The following ALDH1L2 variants were observed in gnomAD, a reference collection of about 807,000 sequenced individuals.
ALDH1L2 encodes the protein mitochondrial 10-formyltetrahydrofolate dehydrogenase.
ALDH1L2 carries 91 observed loss-of-function variants against 111.0 expected under a neutral mutation model. That is an observed-to-expected ratio of 0.82 (90% CI 0.69 to 0.98). ALDH1L2 has a LOEUF of 0.98. Among genes scored for constraint, ALDH1L2 ranks in the 50% least tolerant of loss-of-function variants. ALDH1L2 has a pLI of 0.00. For missense variants in ALDH1L2, 995 were observed against 1,126.8 expected, an observed-to-expected ratio of 0.88 and a Z score of 1.67; for synonymous variants, 374 against 392.6, an observed-to-expected ratio of 0.95 and a Z score of 0.56.
chr12:105,038,293 CACACACA>C (rs1875305554), intron 17 of ALDH1L2, 91 bp from the exon 18 acceptor site: 1 of 487,028 alleles, frequency 2.1e-6, no homozygotes, highest in Admixed American at 3.1e-5. Context: ...CACACACACA[CACACACA>C]CACACACACA....
At chr12:105,069,018 T>A in intron 3 of ALDH1L2, 134 bp from the exon 4 acceptor site, 1 of 852,198 alleles carries the variant, frequency 1.2e-6, no homozygotes, top group Non-Finnish European at 1.6e-6. Context: ...AAATTAACAG[T>A]AGAACTGGGA....
chr12:105,072,692 G>C (rs928734847), intron 2 of ALDH1L2, among the ~76,000 whole-genome samples: 4 of 152,196 alleles, frequency 2.6e-5, no homozygotes. Context: ...ATGTACTCCA[G>C]GCAGGGCGTG....
Position 105,066,633 on chromosome 12 carries a change from G to C in ALDH1L2, c.631C>G (p.Pro211Ala). The C allele has an allele frequency of 3.1e-6, 5 of 1,614,110 alleles. No individual in the cohort carries two copies. Among genetic ancestry groups the C allele is most frequent in the Non-Finnish European group, 4.2e-6 (5 of 1,180,012 alleles). ...AVQLIADGKA[P>A]RIPQPEEGAT... ...CCTTCTTCTGGCTGGGGTATACGAG[G>C]AGCTTTTCCATCAGCTATGAGTTGG... Residue 211 changes from proline to alanine, a missense_variant, in exon 5 of 23, where the codon CCT becomes GCT. Pro to Ala is a conservative substitution (Grantham distance 27). Transcript: ENST00000258494.
intron 6 of ALDH1L2, among the ~76,000 whole-genome samples, chr12:105,063,479 GA>G (rs138765070): frequency 0.055 from 7,949 of 143,656 alleles, 693 homozygotes; most frequent in African/African-American, 0.19. Flanking sequence ...CTGTCTCAAA[GA>G]AAAAAAAAAA....
chr12:105,065,716 T>C lies in ALDH1L2; in HGVS notation c.697-360A>G, dbSNP rs571873345. On this transcript the variant is annotated intron_variant, in intron 5 of 22. Transcript: ENST00000258494. ...CCTCTGTTAAGTCTCTGCCTCTTTTTTTTTTTGTCTAGTTTGTTTGTGTCT... is the reference window on the plus strand; with the variant it reads ...CCTCTGTTAAGTCTCTGCCTCTTTTCTTTTTTGTCTAGTTTGTTTGTGTCT... 4.4e-3 allele frequency among the ~76,000 whole-genome samples: 635 copies of C among 144,892 alleles called. 6 individuals are homozygous for C. Among genetic ancestry groups the C allele is most frequent in the African/African-American group, 0.016 (596 of 38,156 alleles).
chr12:105,048,149 G>A (rs1876026990), intron 13 of ALDH1L2: 1 of 152,148 alleles, frequency 6.6e-6, no homozygotes, highest in Admixed American at 6.5e-5. Context: ...GTGCAAACCT[G>A]CTATGTTGCA....
At chr12:105,077,824 C>G (rs1878142644) in intron 1 of ALDH1L2, among the ~76,000 whole-genome samples, 1 of 151,822 alleles carries the variant, frequency 6.6e-6, no homozygotes, top group Non-Finnish European at 1.5e-5. Context: ...GATCTGAAGC[C>G]CTTTGGCCAG....
In ALDH1L2 at chr12:105,024,201, C is replaced by A; in HGVS notation, c.*223G>T. ...GTATTTTAGAAATACGTATGATATACAACATAGTCAAAATGCAACAACTCC... is the reference window on the plus strand; with the variant it reads ...GTATTTTAGAAATACGTATGATATAAAACATAGTCAAAATGCAACAACTCC... On this transcript the variant is annotated 3_prime_UTR_variant, in exon 23 of 23. Transcript: ENST00000258494. 1 of 595,936 alleles carries A rather than the reference C, an allele frequency of 1.7e-6. No individual in the cohort carries two copies. The highest frequency in any genetic ancestry group is 3.0e-6 in the Non-Finnish European group (1 of 334,656). 36.9% of individuals were successfully genotyped at this position (595,936 alleles called of 1,614,324 possible).
chr12:105,073,897 T>G lies in ALDH1L2; in HGVS notation c.157A>C (p.Thr53Pro), dbSNP rs201407455. The change falls in exon 2 of 23, where the codon ACA becomes CCA. Residue 53 changes from threonine to proline, a missense_variant. Coordinates refer to ENST00000258494, the MANE Select transcript of ALDH1L2 (RefSeq NM_001034173.4). Reference protein sequence around the residue: ...KEGHRVVGVFTVPDKDGKADP... With the variant: ...KEGHRVVGVFPVPDKDGKADP... ...GCTTTTCCATCCTTGTCTGGAACTG[T>G]GAACACCCCTACTACTCGGTGGCCC... 7.4e-6 allele frequency: 12 copies of G among 1,614,060 alleles called. No homozygotes were observed. Among genetic ancestry groups the G allele is most frequent in the South Asian group, 1.1e-5 (1 of 91,088 alleles).
chr12:105,073,575 T>A (rs996936435), intron 2 of ALDH1L2, among the ~76,000 whole-genome samples: 14 of 152,198 alleles, frequency 9.2e-5, no homozygotes, highest in Admixed American at 2.6e-4. Flanking sequence ...ATTCCCTAGT[T>A]TAGCTGAATG....
intron 2 of ALDH1L2, among the ~76,000 whole-genome samples, chr12:105,072,849 C>T (rs570077560): frequency 6.6e-6 from 1 of 152,276 alleles, no homozygotes; most frequent in South Asian, 2.1e-4. Flanking sequence ...TGGTGGGTGC[C>T]TGTAATCCCA....
Position 105,070,785 on chromosome 12 carries a change from A to T in ALDH1L2, c.213T>A (p.Asp71Glu), listed in dbSNP as rs1365652726. 1 of 1,613,052 alleles carries T rather than the reference A, an allele frequency of 6.2e-7. No individual in the cohort carries two copies. Among genetic ancestry groups the T allele is most frequent in the Admixed American group, 1.7e-5 (1 of 59,804 alleles). ...ADPLALAAEK[D>E]GTPVFKLPKW... Reference sequence around the variant, plus strand: ...TAGGAAGCTTGAACACAGGGGTCCCATCTTTCTCTGCAGCCAAAGCTGAGC... The same window carrying T: ...TAGGAAGCTTGAACACAGGGGTCCCTTCTTTCTCTGCAGCCAAAGCTGAGC... The change falls in exon 3 of 23, where the codon GAT becomes GAA. Residue 71 changes from aspartate (D) to glutamate (E), a missense_variant. By Grantham distance (45) the Asp-to-Glu change is conservative. Transcript: ENST00000258494.
In ALDH1L2 at chr12:105,041,701, G is replaced by A. The variant is rs116467629; in HGVS notation, c.1864-1007C>T. ...TAGTAGTTGGCTCTCTACTCTAAGT[G>A]TTTTCCATTCTGTTCAATTAATTAA... On this transcript the variant is annotated intron_variant, in intron 15 of 22. Transcript: ENST00000258494. Among the ~76,000 whole-genome samples, 495 of 152,184 alleles carry A rather than the reference G, an allele frequency of 3.3e-3. 6 individuals carry two copies. The highest frequency in any genetic ancestry group is 0.011 in the African/African-American group (477 of 41,528).
At chr12:105,052,020 C>T (rs61938827) in intron 12 of ALDH1L2, 70 bp downstream of exon 12, 1 of 1,325,352 alleles carries the variant, frequency 7.5e-7, no homozygotes, top group East Asian at 3.1e-5. Flanking sequence ...CCAGCCTGGC[C>T]AACGTAGTGA....
intron 11 of ALDH1L2, 40 bp from the exon 12 acceptor site, chr12:105,052,257 T>C (rs372291114): frequency 1.1e-5 from 16 of 1,517,994 alleles, no homozygotes; most frequent in Middle Eastern, 1.8e-4. Flanking sequence ...ATGAGAGATA[T>C]GAAAATATGG....
rs554687010 is a variant in ALDH1L2, at chr12:105,039,816, T to C, written c.1952-10A>G. 1 of 1,613,172 alleles carries C rather than the reference T, an allele frequency of 6.2e-7. No individual in the cohort carries two copies. Among genetic ancestry groups the C allele is most frequent in the South Asian group, 1.1e-5 (1 of 91,062 alleles). ...TGTCCTGCTATGCCACCTGTAGAAT[T>C]AGGGAATAAAACGGGAATTAAAACA... On this transcript the variant is annotated splice_polypyrimidine_tract_variant and intron_variant, in intron 16 of 22. Transcript: ENST00000258494.
At chr12:105,075,893 C>G (rs1878029259) in intron 1 of ALDH1L2, among the ~76,000 whole-genome samples, 1 of 152,162 alleles carries the variant, frequency 6.6e-6, no homozygotes, top group Admixed American at 6.5e-5. Context: ...TCAAGTGAAT[C>G]TTGTGCTTCA....
intron 18 of ALDH1L2, 115 bp from the exon 19 acceptor site, chr12:105,034,513 G>A (rs1372499585): frequency 1.2e-6 from 1 of 805,320 alleles, no homozygotes; most frequent in African/African-American, 1.8e-5. Context: ...ATATAGATAA[G>A]TCACAGACAA....
At chr12:105,079,826 G>A (rs1216160687) in intron 1 of ALDH1L2, among the ~76,000 whole-genome samples, 1 of 152,120 alleles carries the variant, frequency 6.6e-6, no homozygotes, top group Admixed American at 6.6e-5. Context: ...AACTACTATT[G>A]TTTGGTGTGA....
Sources: allele counts gnomAD v4.1 joint callset (sites outside exome capture counted in the v4.1 genomes callset), GRCh38; gene constraint gnomAD v4.1.1; transcripts MANE v1.5; gene names NCBI Gene and HGNC (gene_info 2026-07-23, HGNC 2026-07-21).